UNC13B: variants seen among roughly 807,000 people sequenced by gnomAD.
UNC13B encodes the protein protein unc-13 homolog B.
A neutral mutation model predicts 211.0 loss-of-function variants in UNC13B; 144 were observed. The ratio of observed to expected loss-of-function variants is 0.68; its 90% CI spans 0.60 to 0.78. The LOEUF is 0.78. UNC13B is among the 30% of genes least tolerant of loss of function. The pLI, the probability that UNC13B is intolerant of heterozygous loss-of-function variation, is 0.00. For synonymous variants in UNC13B, 709 were observed against 725.8 expected (o/e 0.98, Z 0.37); for missense variants, 1,777 against 2,002.0 (o/e 0.89, Z 2.14).
Position 35,308,264 on chromosome 9 carries a change from C to T in UNC13B, c.8860C>T (p.His2954Tyr). The T allele has an allele frequency of 2.5e-6, 1 of 399,134 alleles. No individual in the cohort carries two copies. The highest frequency in any genetic ancestry group is 1.3e-4 in the South Asian group (1 of 7,858). 24.7% of individuals were successfully genotyped at this position (399,134 alleles called of 1,614,324 possible). A position where few individuals can be genotyped will look rare whatever the true frequency, so the allele number is the denominator to read the frequency against. ...LSSPACPSGK[H>Y]EEEPSTVSEI... is the part of the protein sequence containing the mutation. ...TAGCCCCGCCTGTCCTTCAGGGAAACATGAGGAAGAACCCTCCACTGTCTC... is the reference window on the plus strand; with the variant it reads ...TAGCCCCGCCTGTCCTTCAGGGAAATATGAGGAAGAACCCTCCACTGTCTC... Residue 2954 changes from histidine to tyrosine, a missense_variant, in exon 9 of 40, where the codon CAT (histidine) becomes TAT (tyrosine). His to Tyr is a moderately conservative substitution (Grantham distance 83). Transcript: ENST00000635942.
intron 11 of UNC13B, among the ~76,000 whole-genome samples, chr9:35,314,558 A>G (rs527442264): frequency 2.0e-5 from 3 of 152,202 alleles, no homozygotes; most frequent in Non-Finnish European, 2.9e-5. Context: ...TTTTTTTTCC[A>G]TATAAATTTA....
rs376332303 is a variant in UNC13B, at chr9:35,187,469, A to G, written c.22+25164A>G. The stretch of plus-strand genomic sequence containing the variant: ...CAATCATTGAGACTAGAATTTAGTG[A>G]CAAATGGATGATAAGCTTTGGAGCA... On this transcript the variant is annotated intron_variant, in intron 1 of 39. Transcript: ENST00000635942. Among the ~76,000 whole-genome samples the G allele has an allele frequency of 3.1e-4, 47 of 152,358 alleles. No individual in the cohort carries two copies. In the South Asian group the frequency reaches 9.3e-3, roughly 30 times the overall value.
intron 1 of UNC13B, among the ~76,000 whole-genome samples, chr9:35,183,155 C>A (rs1252302286): frequency 1.4e-5 from 2 of 139,058 alleles, no homozygotes; most frequent in Non-Finnish European, 3.1e-5. Context: ...CGCTCCCCAC[C>A]TCCCAGATGG....
At chr9:35,242,938 C>G (rs1327125704) in intron 5 of UNC13B, among the ~76,000 whole-genome samples, 2 of 152,138 alleles carry the variant, frequency 1.3e-5, no homozygotes, top group Admixed American at 6.6e-5. Context: ...TTTGGTCTTG[C>G]TGAGGGGAAG....
Position 35,381,728 on chromosome 9 carries a change from C to G in UNC13B, c.10655+9C>G, listed in dbSNP as rs1834852102. On this transcript the variant is annotated intron_variant, in intron 20 of 39. Transcript: ENST00000635942. ...ATATATCAGGCCATGACGTGAGTCT[C>G]TGCTGCGGCACCGGGAAGTGGCTAC... 1.2e-6 allele frequency: 2 copies of G among 1,611,928 alleles called. No homozygotes were observed. The highest frequency in any genetic ancestry group is 2.7e-5 in the African/African-American group (2 of 74,884).
At chr9:35,401,886 C>G in intron 37 of UNC13B, 1 of 1,474,758 alleles carries the variant, frequency 6.8e-7, no homozygotes, top group Non-Finnish European at 9.3e-7. Flanking sequence ...CCTTAGACTG[C>G]TAACGGATTC....
At chr9:35,357,333 G>A (rs903002932) in intron 11 of UNC13B, among the ~76,000 whole-genome samples, 1 of 152,140 alleles carries the variant, frequency 6.6e-6, no homozygotes, top group Non-Finnish European at 1.5e-5. Flanking sequence ...GACTAATGAT[G>A]TTGAGCATCT....
intron 1 of UNC13B, among the ~76,000 whole-genome samples, chr9:35,196,498 G>A (rs1354889238): frequency 6.6e-6 from 1 of 152,176 alleles, no homozygotes; most frequent in Non-Finnish European, 1.5e-5. Context: ...GTTAGGTACA[G>A]TTCTTATATA....
chr9:35,314,023 T>G (rs776340912), intron 11 of UNC13B, 34 bp downstream of exon 11: 5 of 1,561,912 alleles, frequency 3.2e-6, no homozygotes, highest in Non-Finnish European at 4.4e-6. Context: ...GTTGGGACAA[T>G]TTTTCCTTTG....
chr9:35,378,005 G>A (rs576103068), intron 16 of UNC13B, among the ~76,000 whole-genome samples: 32 of 152,068 alleles, frequency 2.1e-4, no homozygotes, highest in Non-Finnish European at 4.1e-4. Flanking sequence ...AGGGGACCAG[G>A]GAGTAGCTAA....
At position 35,405,185 on chromosome 9, in the gene UNC13B, C is replaced by T. The variant is rs1471050270; in HGVS notation, c.*1152C>T. Reference sequence around the variant, plus strand: ...GTTCTTGGATTTCCTCTGTAGCAGCCTCCTGGACTTCCTGAGGACTCGACA... The same window carrying T: ...GTTCTTGGATTTCCTCTGTAGCAGCTTCCTGGACTTCCTGAGGACTCGACA... On this transcript the variant is annotated 3_prime_UTR_variant, in exon 40 of 40. Coordinates refer to ENST00000635942, the MANE Select transcript of UNC13B (RefSeq NM_001371189.2). 1 of 152,590 alleles carries T rather than the reference C, an allele frequency of 6.6e-6. No individual in the cohort carries two copies. The highest frequency in any genetic ancestry group is 1.9e-4 in the East Asian group (1 of 5,200). The allele number at this position is 152,590 out of a possible 1,614,324, so 9.5% of individuals were successfully genotyped here.
At chr9:35,382,259 G>A (rs1834896881) in intron 20 of UNC13B, 98 bp from the exon 21 acceptor site, 2 of 1,497,696 alleles carry the variant, frequency 1.3e-6, no homozygotes, top group African/African-American at 1.4e-5. Flanking sequence ...AATTGCCCTG[G>A]CTGTGCTTCA....
intron 1 of UNC13B, among the ~76,000 whole-genome samples, chr9:35,195,039 C>CTTTA (rs1159775848): frequency 6.6e-6 from 1 of 151,442 alleles, no homozygotes; most frequent in Non-Finnish European, 1.5e-5. Flanking sequence ...CAGGTGTGAG[C>CTTTA]TTTACATAGT....
At chr9:35,179,635 A>G (rs1821826263) in intron 1 of UNC13B, among the ~76,000 whole-genome samples, 1 of 152,132 alleles carries the variant, frequency 6.6e-6, no homozygotes, top group East Asian at 1.9e-4. Flanking sequence ...TACAAAAAAT[A>G]TAAAAATTAG....
intron 11 of UNC13B, among the ~76,000 whole-genome samples, chr9:35,363,402 TG>T (rs958485104): frequency 1.3e-5 from 2 of 152,104 alleles, no homozygotes; most frequent in East Asian, 1.9e-4. Context: ...CACATTATCC[TG>T]GGGGGGTTGA....
intron 1 of UNC13B, among the ~76,000 whole-genome samples, chr9:35,199,515 A>G (rs545003354): frequency 6.6e-6 from 1 of 152,206 alleles, no homozygotes; most frequent in South Asian, 2.1e-4. Context: ...TTGTTTCCTG[A>G]CTTTTTAATG....
At chr9:35,291,541 A>G (rs759395325) in intron 7 of UNC13B, among the ~76,000 whole-genome samples, 1 of 152,228 alleles carries the variant, frequency 6.6e-6, no homozygotes, top group Non-Finnish European at 1.5e-5. Flanking sequence ...GATATGCAGA[A>G]CAGACTGCTG....
chr9:35,182,737 C>T (rs1478713641), intron 1 of UNC13B, among the ~76,000 whole-genome samples: 1 of 152,134 alleles, frequency 6.6e-6, no homozygotes, highest in Non-Finnish European at 1.5e-5. Flanking sequence ...GCCCTTAATC[C>T]ATTTAACTCT....
chr9:35,192,431 G>A (rs1219067389), intron 1 of UNC13B, among the ~76,000 whole-genome samples: 3 of 152,156 alleles, frequency 2.0e-5, no homozygotes, highest in Admixed American at 6.6e-5. Context: ...GTAGTTTGGG[G>A]TTTGGCTTAG....
Sources: allele counts gnomAD v4.1 joint callset (sites outside exome capture counted in the v4.1 genomes callset), GRCh38; gene constraint gnomAD v4.1.1; transcripts MANE v1.5; gene names NCBI Gene and HGNC (gene_info 2026-07-23, HGNC 2026-07-21).